SVOPL: variants seen among roughly 807,000 people sequenced by gnomAD.
SVOPL encodes the protein SVOP like.
In SVOPL, 60 loss-of-function variants were observed where a neutral mutation model predicts 61.0. The observed-to-expected ratio is 0.98, with a 90% CI of 0.80 to 1.22. SVOPL has a LOEUF of 1.22. SVOPL is among the 50% of genes most tolerant of loss of function. SVOPL has a pLI of 0.00. For missense variants in SVOPL, 662 were observed against 643.9 expected (o/e 1.03, Z -0.30); for synonymous variants, 279 against 250.0 (o/e 1.12, Z -1.09).
At chr7:138,624,798 A>T (rs987915441) in intron 13 of SVOPL, among the ~76,000 whole-genome samples, 2 of 151,830 alleles carry the variant, frequency 1.3e-5, no homozygotes, top group Non-Finnish European at 2.9e-5. Context: ...CCTGCACTCA[A>T]GCAATCCTCC....
chr7:138,621,098 G>T lies in SVOPL; in HGVS notation c.1301C>A (p.Thr434Asn). The part of the protein sequence containing the change: ...PTTMRALGMG[T>N]SGSLCRIGAM... ...ACCAATGCGACACAGGGAGCCGCTG[G>T]TTCCCATCCCCAAAGCGCGCATCGT... The change falls in exon 14 of 16, where the codon ACC becomes AAC. Residue 434 changes from threonine (T) to asparagine (N), a missense_variant. Thr to Asn is a moderately conservative substitution (Grantham distance 65). Coordinates refer to ENST00000674285, the MANE Select transcript of SVOPL (RefSeq NM_001139456.2). 6.2e-7 allele frequency: 1 copy of T among 1,613,738 alleles called. No individual in the cohort carries two copies. The highest frequency in any genetic ancestry group is 8.5e-7 in the Non-Finnish European group (1 of 1,179,884).
intron 1 of SVOPL, among the ~76,000 whole-genome samples, chr7:138,694,948 A>G (rs1188033869): frequency 1.3e-5 from 2 of 152,038 alleles, no homozygotes; most frequent in African/African-American, 2.4e-5. Flanking sequence ...CATGTTGACC[A>G]GGCTGGTCTC....
At chr7:138,645,607 C>A (rs1801060841) in intron 8 of SVOPL, 1 of 152,676 alleles carries the variant, frequency 6.5e-6, no homozygotes, top group Non-Finnish European at 1.5e-5. Flanking sequence ...TCAGAAGTCA[C>A]CTCCTTCAAC....
chr7:138,641,268 A>G lies in SVOPL; in HGVS notation c.789+3449T>C, dbSNP rs566055120. 5.5e-5 allele frequency among the ~76,000 whole-genome samples: 8 copies of G among 145,714 alleles called. No homozygotes were observed. The South Asian group carries it at 1.7e-3, about 32-fold the overall frequency. On this transcript the variant is annotated intron_variant, in intron 9 of 15. Coordinates refer to ENST00000674285, the MANE Select transcript of SVOPL (RefSeq NM_001139456.2). ...AAACTTAAATTCAGTTTAGACAACTACAACAAAAAAAAAAATGTAAGGTCC... is the reference window on the plus strand; with the variant it reads ...AAACTTAAATTCAGTTTAGACAACTGCAACAAAAAAAAAAATGTAAGGTCC...
chr7:138,637,463 T>TATATATAGATATAGATATAGATATAG (rs1554463004), intron 9 of SVOPL, among the ~76,000 whole-genome samples: 1 of 19,096 alleles, frequency 5.2e-5, no homozygotes, highest in African/African-American at 1.4e-4. Context: ...TAGATATATA[T>TATATATAGATATAGATATAGATATAG]ATATAGATAT....
At chr7:138,598,178 A>G (rs1798359726) in intron 14 of SVOPL, among the ~76,000 whole-genome samples, 1 of 152,216 alleles carries the variant, frequency 6.6e-6, no homozygotes, top group Non-Finnish European at 1.5e-5. Flanking sequence ...GATTTACTGT[A>G]TCAAAAGGAA....
intron 13 of SVOPL, chr7:138,625,037 T>A (rs962086196): frequency 6.6e-6 from 1 of 152,202 alleles, no homozygotes; most frequent in African/African-American, 2.4e-5. Context: ...ACTCCAATCA[T>A]TTTAAAGTGT....
At chr7:138,629,453 G>C (rs923021620) in intron 10 of SVOPL, among the ~76,000 whole-genome samples, 1 of 151,858 alleles carries the variant, frequency 6.6e-6, no homozygotes, top group African/African-American at 2.4e-5. Flanking sequence ...GGCTGGTCTC[G>C]AACTCCTGAC....
chr7:138,615,354 A>G (rs1349018069), intron 14 of SVOPL, among the ~76,000 whole-genome samples: 3 of 152,128 alleles, frequency 2.0e-5, no homozygotes, highest in Non-Finnish European at 4.4e-5. Context: ...TCAGGAGATC[A>G]AGACCATCCT....
chr7:138,650,859 A>G (rs1801398301), intron 7 of SVOPL, among the ~76,000 whole-genome samples: 2 of 119,996 alleles, frequency 1.7e-5, no homozygotes, highest in African/African-American at 6.6e-5. Flanking sequence ...CAAAAAATAA[A>G]TTTGAAAGTA....
chr7:138,644,778 T>C lies in SVOPL; in HGVS notation c.728A>G (p.Glu243Gly), dbSNP rs763979154. 1 of 1,614,012 alleles carries C rather than the reference T, an allele frequency of 6.2e-7. No individual in the cohort carries two copies. The highest frequency in any genetic ancestry group is 1.3e-5 in the African/African-American group (1 of 74,908). Reference protein sequence around the residue: ...GNTRAALATLERVAKMNRSVM... With the variant: ...GNTRAALATLGRVAKMNRSVM... Reference sequence around the variant, plus strand: ...CGAGCGGTTCATCTTGGCAACGCGCTCCAGAGTGGCCAGGGCAGCCCGAGT... The same window carrying C: ...CGAGCGGTTCATCTTGGCAACGCGCCCCAGAGTGGCCAGGGCAGCCCGAGT... Residue 243 changes from glutamate to glycine, a missense_variant, in exon 9 of 16, where the codon GAG (glutamate) becomes GGG (glycine). Glu to Gly is a moderately conservative substitution (Grantham distance 98). Transcript: ENST00000674285.
At chr7:138,612,848 C>G (rs1338363999) in intron 14 of SVOPL, among the ~76,000 whole-genome samples, 1 of 151,574 alleles carries the variant, frequency 6.6e-6, no homozygotes, top group Non-Finnish European at 1.5e-5. Flanking sequence ...TCAGGTTTAC[C>G]ATGTTTTCCT....
chr7:138,678,980 T>C lies in SVOPL; in HGVS notation c.66A>G (p.Ala22=). The change falls in exon 2 of 16, where the codon GCA becomes GCG. Residue 22 remains alanine, a synonymous_variant. Coordinates refer to ENST00000674285, the MANE Select transcript of SVOPL (RefSeq NM_001139456.2). ...LSLRKLSLGT[A]EPQVKEPKTF... ...TAATCTCACCTTTAACCTGTGGCTC[T>C]GCGGTCCCCAGGCTCAATTTCCGAA... 1.9e-6 allele frequency: 3 copies of C among 1,551,644 alleles called. No homozygotes were observed. The highest frequency in any genetic ancestry group is 2.6e-6 in the Non-Finnish European group (3 of 1,146,954).
At chr7:138,626,592 C>T (rs1348994832) in intron 12 of SVOPL, among the ~76,000 whole-genome samples, 1 of 152,086 alleles carries the variant, frequency 6.6e-6, no homozygotes, top group African/African-American at 2.4e-5. Context: ...GGGGTTTTGC[C>T]ATGTTGTCCA....
chr7:138,674,781 A>G (rs1467829519), intron 3 of SVOPL, among the ~76,000 whole-genome samples: 2 of 151,504 alleles, frequency 1.3e-5, no homozygotes, highest in Non-Finnish European at 2.9e-5. Context: ...GCGTGAACCC[A>G]GGAGGCACAG....
chr7:138,641,552 T>C (rs1465639794), intron 9 of SVOPL, among the ~76,000 whole-genome samples: 1 of 149,686 alleles, frequency 6.7e-6, no homozygotes, highest in Non-Finnish European at 1.5e-5. Context: ...GCGCCTGTAA[T>C]CCCAGCTCCT....
At chr7:138,650,973 A>G (rs1801403691) in intron 7 of SVOPL, among the ~76,000 whole-genome samples, 1 of 150,962 alleles carries the variant, frequency 6.6e-6, no homozygotes, top group Non-Finnish European at 1.5e-5. Flanking sequence ...TTAAGTGTAG[A>G]TGGGACAGGG....
At chr7:138,680,940 A>C (rs1047309666) in intron 1 of SVOPL, among the ~76,000 whole-genome samples, 1 of 152,044 alleles carries the variant, frequency 6.6e-6, no homozygotes, top group African/African-American at 2.4e-5. Context: ...AGTGGGATAA[A>C]CAGAAAGCCT....
At chr7:138,605,885 T>C (rs1196618217) in intron 14 of SVOPL, among the ~76,000 whole-genome samples, 2 of 152,180 alleles carry the variant, frequency 1.3e-5, no homozygotes, top group African/African-American at 4.8e-5. Flanking sequence ...CCTTCGGGTG[T>C]TTTCCAATCA....
Sources: gnomAD v4.1 joint callset for allele counts (sites outside exome capture counted in the v4.1 genomes callset) on GRCh38, gnomAD v4.1.1 for gene constraint, MANE v1.5 for transcripts, NCBI Gene and HGNC (gene_info 2026-07-23, HGNC 2026-07-21) for gene names.